Variants in PNPLA3 observed in about 807,000 individuals in gnomAD.
PNPLA3 encodes patatin like domain 3, 1-acylglycerol-3-phosphate O-acyltransferase.
PNPLA3 carries 42 observed loss-of-function variants against 43.1 expected under a neutral mutation model. That is an observed-to-expected ratio of 0.97 (90% CI 0.76 to 1.26). The LOEUF is 1.26. Among genes scored for constraint, PNPLA3 ranks in the 50% most tolerant of loss-of-function variants. PNPLA3 has a pLI of 0.00. For missense variants in PNPLA3, 647 were observed against 621.4 expected, an observed-to-expected ratio of 1.04 and a Z score of -0.44; for synonymous variants, 272 against 253.6, an observed-to-expected ratio of 1.07 and a Z score of -0.69.
At position 43,924,056 on chromosome 22, in the gene PNPLA3, G is replaced by C. The variant is rs201221697; in HGVS notation, c.145G>C (p.Gly49Arg). Residue 49 changes from glycine (G) to arginine (R), a missense_variant, in exon 1 of 9, where the codon GGG becomes CGG. Physicochemically the swap from Gly to Arg is moderately radical, Grantham distance 125. Transcript: ENST00000216180. ...DARMLFGASA[G>R]ALHCVGVLSG... ...GCGCATGTTGTTCGGCGCTTCGGCC[G>C]GGGCGTTGCACTGCGTCGGCGTCCT... 4 of 1,578,042 alleles carry C rather than the reference G, an allele frequency of 2.5e-6. No individual in the cohort carries two copies. Among genetic ancestry groups the C allele is most frequent in the Non-Finnish European group, 3.4e-6 (4 of 1,171,474 alleles).
chr22:43,933,137 C>T, intron 4 of PNPLA3, 50 bp downstream of exon 4: 2 of 1,531,312 alleles, frequency 1.3e-6, no homozygotes, highest in African/African-American at 2.7e-5. Context: ...CTCTTCTTTG[C>T]CTCCCTGATT....
chr22:43,936,676 T>C (rs1028490873), intron 5 of PNPLA3, among the ~76,000 whole-genome samples: 1 of 151,990 alleles, frequency 6.6e-6, no homozygotes, highest in Non-Finnish European at 1.5e-5. Flanking sequence ...AGCTGAAAAA[T>C]GGAGATGATG....
rs1603415450 is a variant in PNPLA3 at position 43,924,054 on chromosome 22, C to T, written c.143C>T (p.Ala48Val). The T allele has an allele frequency of 1.3e-6, 2 of 1,579,052 alleles. No individual in the cohort carries two copies. The highest frequency in any genetic ancestry group is 2.4e-5 in the East Asian group (1 of 42,184). Residue 48 changes from alanine (A) to valine (V), a missense_variant, in exon 1 of 9, where the codon GCC (alanine) becomes GTC (valine). Coordinates refer to ENST00000216180, the MANE Select transcript of PNPLA3 (RefSeq NM_025225.3). Reference protein sequence around the residue: ...RDARMLFGASAGALHCVGVLS... With the variant: ...RDARMLFGASVGALHCVGVLS... ...GCGCGCATGTTGTTCGGCGCTTCGG[C>T]CGGGGCGTTGCACTGCGTCGGCGTC...
intron 7 of PNPLA3, among the ~76,000 whole-genome samples, chr22:43,940,493 C>T (rs2050024319): frequency 6.6e-6 from 1 of 152,184 alleles, no homozygotes; most frequent in Non-Finnish European, 1.5e-5. Flanking sequence ...ATCCTTGCTG[C>T]CCCTCTGAGC....
In PNPLA3 at chr22:43,946,899, C is replaced by A; in HGVS notation, c.*517C>A. ...ATAACCTTGACTACTAAAAACGTCTCCATGGCGGGGGTAACAAGATGATAA... is the reference window on the plus strand; with the variant it reads ...ATAACCTTGACTACTAAAAACGTCTACATGGCGGGGGTAACAAGATGATAA... On this transcript the variant is annotated 3_prime_UTR_variant, in exon 9 of 9. Transcript: ENST00000216180. 1 of 328,008 alleles carries A rather than the reference C, an allele frequency of 3.0e-6. No homozygotes were observed. Among genetic ancestry groups the A allele is most frequent in the Non-Finnish European group, 6.0e-6 (1 of 166,230 alleles). 20.3% of individuals were successfully genotyped at this position (328,008 alleles called of 1,614,324 possible).
intron 5 of PNPLA3, among the ~76,000 whole-genome samples, chr22:43,936,054 C>T (rs1428936771): frequency 2.0e-5 from 3 of 152,070 alleles, no homozygotes; most frequent in Non-Finnish European, 2.9e-5. Flanking sequence ...GACAGAAGAG[C>T]GCAGTCCCGG....
intron 5 of PNPLA3, 84 bp from the exon 6 acceptor site, chr22:43,936,967 C>G: frequency 8.9e-7 from 1 of 1,125,630 alleles, no homozygotes; most frequent in Non-Finnish European, 1.3e-6. Context: ...CAGCTGCCTG[C>G]CTCCCTGCAG....
At position 43,946,857 on chromosome 22, in the gene PNPLA3, G is replaced by C; in HGVS notation, c.*475G>C. On this transcript the variant is annotated 3_prime_UTR_variant, in exon 9 of 9. Coordinates refer to ENST00000216180, the MANE Select transcript of PNPLA3 (RefSeq NM_025225.3). ...TCCCCAAGAACGACACTGCCTGTCA[G>C]GTGGTCTGCAAAGATGATAACCTTG... 1 of 417,946 alleles carries C rather than the reference G, an allele frequency of 2.4e-6. No individual in the cohort carries two copies. The highest frequency in any genetic ancestry group is 4.7e-6 in the Non-Finnish European group (1 of 211,758). 25.9% of individuals were successfully genotyped at this position (417,946 alleles called of 1,614,324 possible).
chr22:43,934,891 G>A (rs1018983059), intron 5 of PNPLA3, among the ~76,000 whole-genome samples: 1 of 152,108 alleles, frequency 6.6e-6, no homozygotes, highest in African/African-American at 2.4e-5. Context: ...ACCCCTCCCT[G>A]AGGGGCAGAG....
intron 4 of PNPLA3, among the ~76,000 whole-genome samples, chr22:43,934,112 T>A (rs898835898): frequency 6.0e-5 from 9 of 150,218 alleles, no homozygotes. Flanking sequence ...AGGTCAGGAG[T>A]TTGAGACCAG....
At position 43,946,915 on chromosome 22, in the gene PNPLA3, A is replaced by G; in HGVS notation, c.*533A>G. 1 of 329,164 alleles carries G rather than the reference A, an allele frequency of 3.0e-6. No homozygotes were observed. Among genetic ancestry groups the G allele is most frequent in the East Asian group, 8.2e-5 (1 of 12,178 alleles). 20.4% of individuals were successfully genotyped at this position (329,164 alleles called of 1,614,324 possible). On this transcript the variant is annotated 3_prime_UTR_variant, in exon 9 of 9. Transcript: ENST00000216180. ...AAAACGTCTCCATGGCGGGGGTAAC[A>G]AGATGATAATCTACTTAATTTTAGA...
At chr22:43,931,601 C>T (rs534874943) in intron 3 of PNPLA3, among the ~76,000 whole-genome samples, 57 of 152,254 alleles carry the variant, frequency 3.7e-4, no homozygotes, top group African/African-American at 1.2e-3. Flanking sequence ...CTGCAACCCT[C>T]GGCTCCTGGG....
chr22:43,940,762 T>C (rs893797743), intron 7 of PNPLA3, among the ~76,000 whole-genome samples: 2 of 152,102 alleles, frequency 1.3e-5, no homozygotes, highest in East Asian at 1.9e-4. Context: ...TGAGCCAAGA[T>C]TGTACCACTG....
At chr22:43,933,635 A>G (rs1408497241) in intron 4 of PNPLA3, among the ~76,000 whole-genome samples, 4 of 152,126 alleles carry the variant, frequency 2.6e-5, no homozygotes, top group Admixed American at 6.5e-5. Flanking sequence ...CAGCCTCCCA[A>G]TGTGTTGGGA....
chr22:43,931,340 C>G (rs1043121240), intron 3 of PNPLA3, among the ~76,000 whole-genome samples: 1 of 152,136 alleles, frequency 6.6e-6, no homozygotes, highest in African/African-American at 2.4e-5. Context: ...ACTGGAGCTC[C>G]TAAATTCAAA....
Position 43,946,657 on chromosome 22 carries a change from C to T in PNPLA3, c.*275C>T, listed in dbSNP as rs537338257. On this transcript the variant is annotated 3_prime_UTR_variant, in exon 9 of 9. Coordinates refer to ENST00000216180, the MANE Select transcript of PNPLA3 (RefSeq NM_025225.3). Reference sequence around the variant, plus strand: ...GCAGAGGGTCCCTTACTGACTGTTTCGTGGCCCTATTAATGGTCAGACTGT... The same window carrying T: ...GCAGAGGGTCCCTTACTGACTGTTTTGTGGCCCTATTAATGGTCAGACTGT... 1.3e-3 allele frequency: 842 copies of T among 648,532 alleles called. 9 individuals carry two copies. Among genetic ancestry groups the T allele is most frequent in the South Asian group, 9.8e-3 (709 of 72,498 alleles). The allele number at this position is 648,532 out of a possible 1,614,324, so 40.2% of individuals were successfully genotyped here.
chr22:43,923,956 C>A lies in PNPLA3; in HGVS notation c.45C>A (p.Cys15Ter). 6.3e-7 allele frequency: 1 copy of A among 1,581,632 alleles called. No individual in the cohort carries two copies. The highest frequency in any genetic ancestry group is 8.5e-7 in the Non-Finnish European group (1 of 1,172,452). The change falls in exon 1 of 9, where the codon TGC (cysteine) becomes TGA (stop). Residue 15 changes from cysteine (C) to a stop codon, truncating the protein, a stop_gained. Transcript: ENST00000216180. LOFTEE classifies it high-confidence loss of function. ...ERGWSLSFAG[C>*]GFLGFYHVGA... Reference sequence around the variant, plus strand: ...GCTGGAGCTTGTCCTTCGCGGGCTGCGGCTTCCTGGGCTTCTACCACGTCG... The same window carrying A: ...GCTGGAGCTTGTCCTTCGCGGGCTGAGGCTTCCTGGGCTTCTACCACGTCG...
intron 7 of PNPLA3, among the ~76,000 whole-genome samples, chr22:43,944,301 A>C (rs1484161703): frequency 6.6e-6 from 1 of 152,152 alleles, no homozygotes; most frequent in Admixed American, 6.6e-5. Context: ...GGTAGCGTTC[A>C]GACCTCTCCA....
rs2049970792 is a variant in PNPLA3 at position 43,932,930 on chromosome 22, C to G, written c.539C>G (p.Thr180Arg). 1.2e-6 allele frequency: 2 copies of G among 1,614,220 alleles called. No individual in the cohort carries two copies. The highest frequency in any genetic ancestry group is 1.7e-6 in the Non-Finnish European group (2 of 1,180,034). ...SDNVPFIDAKTTITVSPFYGE... is the reference protein window; with the variant it reads ...SDNVPFIDAKRTITVSPFYGE... The stretch of plus-strand genomic sequence containing the variant: ...AACGTACCCTTCATTGATGCCAAAA[C>G]AACCATCACCGTGTCCCCCTTCTAT... Residue 180 changes from threonine (T) to arginine (R), a missense_variant, in exon 4 of 9, where the codon ACA becomes AGA. Transcript: ENST00000216180.
Sources: gnomAD v4.1 joint callset for allele counts (sites outside exome capture counted in the v4.1 genomes callset) on GRCh38, gnomAD v4.1.1 for gene constraint, MANE v1.5 for transcripts, NCBI Gene and HGNC (gene_info 2026-07-23, HGNC 2026-07-21) for gene names.